Variants in DMC1 observed in about 807,000 individuals in gnomAD.
DMC1 encodes DNA meiotic recombinase 1.
DMC1 carries 27 observed loss-of-function variants against 50.1 expected under a neutral mutation model. The ratio of observed to expected loss-of-function variants is 0.54; its 90% CI spans 0.40 to 0.74. The LOEUF (loss-of-function observed/expected upper bound fraction) is 0.74, where lower values mean the gene tolerates loss of function less well. Among genes scored for constraint, DMC1 ranks in the 30% least tolerant of loss-of-function variants. DMC1 has a pLI of 0.00. For synonymous variants in DMC1, 148 were observed against 136.1 expected (o/e 1.09, Z -0.61); for missense variants, 295 against 420.2 (o/e 0.70, Z 2.60).
At chr22:38,541,860 A>T (rs577372687) in intron 8 of DMC1, among the ~76,000 whole-genome samples, 1 of 152,104 alleles carries the variant, frequency 6.6e-6, no homozygotes, top group African/African-American at 2.4e-5. Flanking sequence ...CATTAAACAG[A>T]TCATTCATCA....
At chr22:38,532,614 C>T (rs768930537) in intron 12 of DMC1, among the ~76,000 whole-genome samples, 44 of 149,684 alleles carry the variant, frequency 2.9e-4, no homozygotes, top group Non-Finnish European at 6.1e-4. Flanking sequence ...CCACCACACC[C>T]GTTCACAAGA....
intron 8 of DMC1, among the ~76,000 whole-genome samples, chr22:38,549,129 G>A (rs1287595901): frequency 6.6e-6 from 1 of 152,042 alleles, no homozygotes; most frequent in African/African-American, 2.4e-5. Context: ...AAAGTATCCA[G>A]TTTACACCCA....
chr22:38,539,243 ATGT>A (rs1343331673), intron 9 of DMC1, 75 bp downstream of exon 9: 6 of 1,013,798 alleles, frequency 5.9e-6, no homozygotes, highest in Non-Finnish European at 9.4e-6. Flanking sequence ...AAGTATCAAA[ATGT>A]TGTATCCCTC....
chr22:38,536,086 C>T (rs543512960), intron 12 of DMC1, among the ~76,000 whole-genome samples: 7 of 151,466 alleles, frequency 4.6e-5, no homozygotes, highest in Admixed American at 3.3e-4. Flanking sequence ...CCAGGCGTGG[C>T]GATGTGTGCC....
Position 38,538,300 on chromosome 22 carries a change from G to GA in DMC1, c.769dup (p.Ser257PhefsTer5). 6.2e-7 allele frequency: 1 copy of GA among 1,613,286 alleles called. No homozygotes were observed. The highest frequency in any genetic ancestry group is 8.5e-7 in the Non-Finnish European group (1 of 1,179,318). Reference sequence around the variant, plus strand: ...ATTTTATTTTAAAGATATACCTTCTGAGATTTTTTGGAGTCGTGACAACAT... The same window carrying GA: ...ATTTTATTTTAAAGATATACCTTCTGAAGATTTTTTGGAGTCGTGACAACAT... On this transcript the variant is annotated frameshift_variant, in exon 11 of 14. Transcript: ENST00000216024. LOFTEE classifies it high-confidence loss of function.
At chr22:38,559,947 A>T (rs2090509343) in intron 5 of DMC1, among the ~76,000 whole-genome samples, 1 of 151,952 alleles carries the variant, frequency 6.6e-6, no homozygotes, top group Non-Finnish European at 1.5e-5. Flanking sequence ...GAACCTGGGC[A>T]GCAGAGGTTG....
At chr22:38,569,165 C>T (rs2146049555) in intron 1 of DMC1, 1 of 138,884 alleles carries the variant, frequency 7.2e-6, no homozygotes, top group Non-Finnish European at 1.5e-5. Context: ...GCCTGGGCGA[C>T]AGTGCGAGAC....
In DMC1 at chr22:38,568,306, T is replaced by A. The variant is rs562526938; in HGVS notation, c.-33-17A>T. 3.8e-6 allele frequency: 6 copies of A among 1,586,450 alleles called. No homozygotes were observed. Among genetic ancestry groups the A allele is most frequent in the Non-Finnish European group, 5.2e-6 (6 of 1,155,086 alleles). ...TAATCACTTCTGGGAAAATAAGAAA[T>A]ATTATGTAAGAAGTAGTCCTTTGTC... On this transcript the variant is annotated splice_polypyrimidine_tract_variant and intron_variant, in intron 1 of 13. Transcript: ENST00000216024.
intron 2 of DMC1, 61 bp from the exon 3 acceptor site, chr22:38,567,688 C>A: frequency 7.8e-7 from 1 of 1,279,198 alleles, no homozygotes; most frequent in South Asian, 1.2e-5. Context: ...TATTTCACAT[C>A]TTTTAAAGAG....
At chr22:38,565,307 T>A (rs890455641) in intron 4 of DMC1, among the ~76,000 whole-genome samples, 7 of 152,132 alleles carry the variant, frequency 4.6e-5, no homozygotes, top group African/African-American at 1.7e-4. Flanking sequence ...CAGACCAAAT[T>A]GAGAACTAGC....
intron 12 of DMC1, among the ~76,000 whole-genome samples, chr22:38,532,421 A>G (rs1300040076): frequency 6.7e-6 from 1 of 150,186 alleles, no homozygotes; most frequent in East Asian, 2.0e-4. Flanking sequence ...TCCCGGGTTC[A>G]AACGATTCTT....
In DMC1 at chr22:38,555,417, TAGAA is replaced by T. The variant is rs755793976; in HGVS notation, c.327-12_327-9del. ...CCACCTCCTAGTAACTTACTGGAAA[TAGAA>T]AGAAAGCATTAGTAACAGGAATAGA... On this transcript the variant is annotated splice_polypyrimidine_tract_variant and intron_variant, in intron 5 of 13. Transcript: ENST00000216024. The T allele has an allele frequency of 6.9e-6, 11 of 1,585,634 alleles. No homozygotes were observed. The highest frequency in any genetic ancestry group is 6.6e-5 in the South Asian group (6 of 90,384).
chr22:38,536,765 T>C lies in DMC1; in HGVS notation c.836+827A>G, dbSNP rs190317216. 3.8e-3 allele frequency among the ~76,000 whole-genome samples: 577 copies of C among 152,338 alleles called. 2 individuals carry two copies. Among genetic ancestry groups the C allele is most frequent in the Non-Finnish European group, 6.3e-3 (426 of 68,034 alleles). On this transcript the variant is annotated intron_variant, in intron 12 of 13. Coordinates refer to ENST00000216024, the MANE Select transcript of DMC1 (RefSeq NM_007068.4). ...GTACTGCTGAAAATGGTTAAAGTAT[T>C]GCTTTATTCTATAAAGAACTAGAGA...
intron 8 of DMC1, among the ~76,000 whole-genome samples, chr22:38,544,790 TA>T (rs2090325134): frequency 3.7e-4 from 2 of 5,420 alleles, no homozygotes; most frequent in South Asian, 8.3e-3. Flanking sequence ...CATGCCCGGC[TA>T]ATTTTTTTTT....
downstream of DMC1, among the ~76,000 whole-genome samples, chr22:38,514,528 C>T (rs1197709039): frequency 6.6e-6 from 1 of 152,114 alleles, no homozygotes; most frequent in Non-Finnish European, 1.5e-5. Flanking sequence ...AGGTGTGAGC[C>T]ACCAGGCATT....
At chr22:38,551,728 G>A (rs2090413129) in intron 7 of DMC1, among the ~76,000 whole-genome samples, 1 of 152,002 alleles carries the variant, frequency 6.6e-6, no homozygotes, top group Non-Finnish European at 1.5e-5. Flanking sequence ...CCTAACATTT[G>A]GCACTGTCAT....
chr22:38,543,022 C>A (rs1448794537), intron 8 of DMC1, among the ~76,000 whole-genome samples: 3 of 152,072 alleles, frequency 2.0e-5, no homozygotes, highest in Non-Finnish European at 4.4e-5. Flanking sequence ...TGAAATTAGA[C>A]CCCTATCTCT....
At chr22:38,524,196 G>C (rs1322477224) in intron 12 of DMC1, among the ~76,000 whole-genome samples, 1 of 152,212 alleles carries the variant, frequency 6.6e-6, no homozygotes, top group African/African-American at 2.4e-5. Context: ...CAGGCAGATT[G>C]CAAGGTCAGG....
At chr22:38,520,199 C>A (rs914098150) in intron 13 of DMC1, 110 bp from the exon 14 acceptor site, 2 of 930,078 alleles carry the variant, frequency 2.2e-6, no homozygotes, top group Admixed American at 3.8e-5. Flanking sequence ...AGAGACATCT[C>A]AGAGTTGGTA....
Sources: allele counts gnomAD v4.1 joint callset (sites outside exome capture counted in the v4.1 genomes callset), GRCh38; gene constraint gnomAD v4.1.1; transcripts MANE v1.5; gene names NCBI Gene and HGNC (gene_info 2026-07-23, HGNC 2026-07-21).